The following PTPN20 variants were observed in gnomAD, a reference collection of about 807,000 sequenced individuals.
The protein encoded by PTPN20 is protein tyrosine phosphatase non-receptor type 20, also known as tyrosine-protein phosphatase non-receptor type 20.
A neutral mutation model predicts 35.0 loss-of-function variants in PTPN20; 9 were observed. The ratio of observed to expected loss-of-function variants is 0.26; its 90% CI spans 0.15 to 0.45. PTPN20 has a LOEUF of 0.45. Ranked by LOEUF, PTPN20 falls within the 20% of genes least tolerant of loss-of-function variation. The pLI is 1.00. For missense variants in PTPN20, 111 were observed against 312.5 expected (o/e 0.36, Z 4.86); for synonymous variants, 32 against 100.2 (o/e 0.32, Z 4.06).
intron 7 of PTPN20, among the ~76,000 whole-genome samples, chr10:46,976,248 TC>T (rs1307085329): frequency 1.7e-5 from 2 of 114,590 alleles, no homozygotes; most frequent in African/African-American, 6.5e-5. Context: ...CTCTCGTCAT[TC>T]TTCTTATAGA....
chr10:46,949,344 C>A (rs1359961133), intron 5 of PTPN20, among the ~76,000 whole-genome samples: 2 of 152,230 alleles, frequency 1.3e-5, no homozygotes, highest in Non-Finnish European at 2.9e-5. Flanking sequence ...GGCCCACATC[C>A]AGCTATCAGC....
At chr10:46,950,848 C>T (rs1212072629) in intron 5 of PTPN20, among the ~76,000 whole-genome samples, 2 of 151,922 alleles carry the variant, frequency 1.3e-5, no homozygotes, top group Admixed American at 6.6e-5. Context: ...GTGTGCTCTG[C>T]AACTCTACAA....
intron 9 of PTPN20, among the ~76,000 whole-genome samples, chr10:46,997,090 T>A (rs1452202933): frequency 3.3e-5 from 5 of 152,206 alleles, no homozygotes; most frequent in Non-Finnish European, 7.4e-5. Flanking sequence ...CTGTATTGAA[T>A]CTTCCAATCC....
At chr10:46,920,549 T>TG in intron 1 of PTPN20, among the ~76,000 whole-genome samples, 1 of 149,432 alleles carries the variant, frequency 6.7e-6, no homozygotes, top group Admixed American at 6.6e-5. Context: ...CAGAGGGTGC[T>TG]GGGGGCAGGG....
rs2059995910 is a variant in PTPN20, at chr10:47,001,168, C to CGAA, written c.*427_*428insGAA. ...TAAGGCCAATAATCATGACCTCTTC[C>CGAA]AGGCATTTTTAAGACAGATGTCTAT... On this transcript the variant is annotated 3_prime_UTR_variant, in exon 11 of 11. Transcript: ENST00000374339. The CGAA allele has an allele frequency of 4.8e-6, 1 of 209,766 alleles. No homozygotes were observed. The highest frequency in any genetic ancestry group is 5.2e-5 in the Admixed American group (1 of 19,054). 13.0% of individuals were successfully genotyped at this position (209,766 alleles called of 1,614,324 possible).
At position 46,953,334 on chromosome 10, in the gene PTPN20, CTTTT is replaced by C. The variant is rs1364229290; in HGVS notation, c.340+6660_340+6663del. ...TTTCCAATGTATATGCCTTTCATTT[CTTTT>C]CTTTCTTTCTTTCTTTCTTTCTTTC... On this transcript the variant is annotated intron_variant, in intron 5 of 10. Transcript: ENST00000374339. Among the ~76,000 whole-genome samples, 14 of 118,912 alleles carry C rather than the reference CTTTT, an allele frequency of 1.2e-4. 2 individuals are homozygous for C. Among genetic ancestry groups the C allele is most frequent in the African/African-American group, 4.6e-4 (13 of 27,994 alleles). The allele number at this position is 118,912 out of a possible 152,430, so 78.0% of individuals were successfully genotyped here. A position where few individuals can be genotyped will look rare whatever the true frequency, so the allele number is the denominator to read the frequency against.
At chr10:46,953,391 C>CTT (rs1683771621) in intron 5 of PTPN20, among the ~76,000 whole-genome samples, 2 of 118,304 alleles carry the variant, frequency 1.7e-5, no homozygotes, top group Non-Finnish European at 3.4e-5. Context: ...TTCTTTCTTT[C>CTT]TTTCTTTTTT....
At chr10:46,928,633 G>A (rs1283195586) in intron 1 of PTPN20, among the ~76,000 whole-genome samples, 6 of 151,410 alleles carry the variant, frequency 4.0e-5, no homozygotes, top group African/African-American at 9.8e-5. Context: ...AAGAAACCAC[G>A]GAATGACATT....
intron 1 of PTPN20, among the ~76,000 whole-genome samples, chr10:46,925,749 A>G (rs2037104581): frequency 6.6e-6 from 1 of 151,572 alleles, no homozygotes; most frequent in Non-Finnish European, 1.5e-5. Context: ...TATTATAACC[A>G]TCACTAATGG....
At chr10:46,976,440 T>C (rs2053632394) in intron 7 of PTPN20, among the ~76,000 whole-genome samples, 1 of 122,314 alleles carries the variant, frequency 8.2e-6, no homozygotes, top group East Asian at 2.2e-4. Flanking sequence ...CGAATATCCT[T>C]GTTGGTTTTA....
chr10:47,001,160 A>G lies in PTPN20; in HGVS notation c.*419A>G, dbSNP rs1307206854. 1.4e-5 allele frequency: 3 copies of G among 219,898 alleles called. No homozygotes were observed. Among genetic ancestry groups the G allele is most frequent in the African/African-American group, 4.7e-5 (2 of 42,534 alleles). 13.6% of individuals were successfully genotyped at this position (219,898 alleles called of 1,614,324 possible). ...GGAGAACATAAGGCCAATAATCATGACCTCTTCCAGGCATTTTTAAGACAG... is the reference window on the plus strand; with the variant it reads ...GGAGAACATAAGGCCAATAATCATGGCCTCTTCCAGGCATTTTTAAGACAG... On this transcript the variant is annotated 3_prime_UTR_variant, in exon 11 of 11. Transcript: ENST00000374339.
chr10:46,983,579 T>C (rs1262382096), intron 7 of PTPN20, among the ~76,000 whole-genome samples: 3 of 124,072 alleles, frequency 2.4e-5, no homozygotes, highest in African/African-American at 6.6e-5. Flanking sequence ...ATATTTGTTA[T>C]AACAGTCCAT....
chr10:46,944,766 TATACAA>T (rs1376504844), intron 4 of PTPN20, among the ~76,000 whole-genome samples: 8 of 144,364 alleles, frequency 5.5e-5, no homozygotes, highest in African/African-American at 8.6e-5. Flanking sequence ...CTAAGCACTG[TATACAA>T]ATACAAACTA....
rs1463618034 is a variant in PTPN20 at position 46,999,906 on chromosome 10, T to C, written c.1135-6T>C. The C allele has an allele frequency of 9.9e-6, 16 of 1,613,626 alleles. No individual in the cohort carries two copies. Among genetic ancestry groups the C allele is most frequent in the Non-Finnish European group, 1.4e-5 (16 of 1,179,706 alleles). Reference sequence around the variant, plus strand: ...ATCATACAAAATTACTGTCATCTTATTACAGTTCAACATCATGGATATAGT... The same window carrying C: ...ATCATACAAAATTACTGTCATCTTACTACAGTTCAACATCATGGATATAGT... On this transcript the variant is annotated splice_region_variant and splice_polypyrimidine_tract_variant and intron_variant, in intron 9 of 10. Transcript: ENST00000374339.
chr10:46,983,104 AC>A (rs2056015938), intron 7 of PTPN20, among the ~76,000 whole-genome samples: 1 of 128,234 alleles, frequency 7.8e-6, no homozygotes, highest in African/African-American at 3.1e-5. Context: ...ATGGAGTCTC[AC>A]TCATTCTGTC....
intron 1 of PTPN20, among the ~76,000 whole-genome samples, chr10:46,925,398 TC>T (rs1269361935): frequency 1.4e-5 from 2 of 147,124 alleles, no homozygotes; most frequent in Non-Finnish European, 3.0e-5. Flanking sequence ...GGAAGTATTT[TC>T]CACCTATTAC....
At chr10:46,983,260 A>G (rs1489385670) in intron 7 of PTPN20, among the ~76,000 whole-genome samples, 1 of 151,724 alleles carries the variant, frequency 6.6e-6, no homozygotes, top group Admixed American at 6.6e-5. Context: ...CTGTTCATTC[A>G]TATTTACAAG....
intron 7 of PTPN20, among the ~76,000 whole-genome samples, chr10:46,983,058 T>A (rs1484406301): frequency 1.4e-5 from 2 of 146,422 alleles, no homozygotes; most frequent in Non-Finnish European, 3.0e-5. Flanking sequence ...TATCTTTATA[T>A]ATCTAGCTTT....
At chr10:46,928,252 G>T (rs1322918440) in intron 1 of PTPN20, among the ~76,000 whole-genome samples, 1 of 152,074 alleles carries the variant, frequency 6.6e-6, no homozygotes, top group East Asian at 1.9e-4. Flanking sequence ...TAATGAGCTT[G>T]CTGCTCATGT....
Sources: allele counts gnomAD v4.1 joint callset (sites outside exome capture counted in the v4.1 genomes callset), GRCh38; gene constraint gnomAD v4.1.1; transcripts MANE v1.5; gene names NCBI Gene and HGNC (gene_info 2026-07-23, HGNC 2026-07-21).